The following REPS2 variants were observed in gnomAD, a reference collection of about 807,000 sequenced individuals.
REPS2 encodes ralBP1-associated Eps domain-containing protein 2.
In REPS2, 23 loss-of-function variants were observed where a neutral mutation model predicts 53.6. That is an observed-to-expected ratio of 0.43 (90% CI 0.31 to 0.61). The LOEUF (loss-of-function observed/expected upper bound fraction) is 0.61, where lower values mean the gene tolerates loss of function less well. REPS2 is among the 20% of genes least tolerant of loss of function. The pLI is 0.11. For synonymous variants in REPS2, 238 were observed against 218.6 expected (o/e 1.09, Z -0.78); for missense variants, 446 against 534.9 (o/e 0.83, Z 1.64).
chrX:17,096,473 A>C (rs914402648), intron 13 of REPS2, among the ~76,000 whole-genome samples: 413 of 106,818 alleles, frequency 3.9e-3, no homozygotes, highest in Non-Finnish European at 6.3e-3. Context: ...TCCCGGCTAA[A>C]ACGGTGAAAC....
the REPS2 span, among the ~76,000 whole-genome samples, chrX:17,189,339 G>A: frequency 1.9e-5 from 2 of 106,335 alleles, no homozygotes; most frequent in Non-Finnish European, 3.9e-5. Flanking sequence ...AGGCTGGAGT[G>A]CAGTGGCGTG....
the REPS2 span, among the ~76,000 whole-genome samples, chrX:17,178,249 G>A: frequency 1.8e-5 from 2 of 111,779 alleles, no homozygotes; most frequent in African/African-American, 3.3e-5. Context: ...ACTTACCTCC[G>A]GGGCTTTGTC....
chrX:17,011,322 A>G (rs981491634), intron 2 of REPS2, among the ~76,000 whole-genome samples: 5 of 111,463 alleles, frequency 4.5e-5, no homozygotes, highest in Non-Finnish European at 9.4e-5. Context: ...GAAGGTGAAA[A>G]TTAAGGACTG....
intron 13 of REPS2, among the ~76,000 whole-genome samples, chrX:17,082,405 AAGG>A (rs778511359): frequency 3.8e-4 from 43 of 112,566 alleles, no homozygotes; most frequent in Non-Finnish European, 6.6e-4. Flanking sequence ...TACTGCAAAA[AAGG>A]AGAAGGGGAT....
At chrX:17,189,358 T>C in the REPS2 span, among the ~76,000 whole-genome samples, 1 of 108,544 alleles carries the variant, frequency 9.2e-6, no homozygotes, top group African/African-American at 3.4e-5. Flanking sequence ...TGATCTCAGC[T>C]CACTGCAACC....
chrX:17,179,900 AAGAATC>A, the REPS2 span, among the ~76,000 whole-genome samples: 1 of 112,227 alleles, frequency 8.9e-6, no homozygotes, highest in African/African-American at 3.2e-5. Context: ...AGTTATTGCA[AAGAATC>A]AGTTAGCTCT....
chrX:16,955,890 T>C (rs965083400), intron 1 of REPS2, among the ~76,000 whole-genome samples: 14 of 112,529 alleles, frequency 1.2e-4, no homozygotes, highest in Non-Finnish European at 2.3e-4. Context: ...TTGAGCCTTT[T>C]TGTGGCCAGA....
chrX:17,118,258 C>T lies in REPS2; in HGVS notation c.1578+14479C>T, dbSNP rs780523759. Among the ~76,000 whole-genome samples the T allele has an allele frequency of 2.0e-3, 195 of 97,882 alleles. 2 individuals are homozygous for T. Among genetic ancestry groups the T allele is most frequent in the Admixed American group, 1.6e-3 (14 of 8,637 alleles). The allele number at this position is 97,882 out of a possible 115,157, so 85.0% of individuals were successfully genotyped here. A position where few individuals can be genotyped will look rare whatever the true frequency, so the allele number is the denominator to read the frequency against. On this transcript the variant is annotated intron_variant, in intron 14 of 17. Coordinates refer to ENST00000357277, the MANE Select transcript of REPS2 (RefSeq NM_004726.3). ...ACAGGCGTGAGCCACCGCGCCCGGC[C>T]GTTTCCTGACTTTTTAATGATTCAT...
chrX:17,016,760 C>CTTTTTTTTTTTTTTTTTTTTTTTTT (rs139092298), intron 2 of REPS2, among the ~76,000 whole-genome samples: 1 of 63,665 alleles, frequency 1.6e-5, no homozygotes, highest in Non-Finnish European at 2.9e-5. Flanking sequence ...TTTCTTTTTT[C>CTTTTTTTTTTTTTTTTTTTTTTTTT]TTTTTTTTTT....
intron 3 of REPS2, among the ~76,000 whole-genome samples, chrX:17,022,571 T>C (rs1349822299): frequency 8.9e-6 from 1 of 112,598 alleles, no homozygotes; most frequent in Admixed American, 9.4e-5. Flanking sequence ...AATGGATTCT[T>C]GGAAATGTAA....
intron 1 of REPS2, among the ~76,000 whole-genome samples, chrX:16,981,884 C>T (rs747263827): frequency 1.2e-4 from 13 of 111,752 alleles, no homozygotes; most frequent in African/African-American, 3.9e-4. Context: ...TTCACAGGAT[C>T]GTGCCATCAT....
At chrX:17,141,663 G>A (rs753223408) in intron 17 of REPS2, among the ~76,000 whole-genome samples, 3 of 111,858 alleles carry the variant, frequency 2.7e-5, no homozygotes, top group Non-Finnish European at 3.8e-5. Context: ...CAATTGTTCC[G>A]CGTCTTTGCC....
Position 16,974,782 on chromosome X carries a change from C to T in REPS2, c.273+27648C>T, listed in dbSNP as rs771261602. Among the ~76,000 whole-genome samples the T allele has an allele frequency of 4.5e-5, 5 of 110,799 alleles. No homozygotes were observed. In the East Asian group the frequency reaches 1.1e-3, roughly 25 times the overall value. ...TTGTTGTATAGGTAAATTCTTGTCA[C>T]GGGGGTTTGTTGTACAGATTATTTC... On this transcript the variant is annotated intron_variant, in intron 1 of 17. Transcript: ENST00000357277.
chrX:16,964,681 T>G (rs375491886), intron 1 of REPS2, among the ~76,000 whole-genome samples: 18 of 55,289 alleles, frequency 3.3e-4, no homozygotes, highest in African/African-American at 1.3e-3. Context: ...ACCTCCCTCC[T>G]GGACGGGGCG....
the REPS2 span, among the ~76,000 whole-genome samples, chrX:17,159,322 A>T: frequency 2.0e-4 from 22 of 110,866 alleles, no homozygotes; most frequent in South Asian, 3.9e-4. Flanking sequence ...CTTACTTTCT[A>T]CCTCCTTCCC....
intron 13 of REPS2, chrX:17,100,030 T>C (rs2062765112): frequency 8.6e-7 from 1 of 1,167,633 alleles, no homozygotes; most frequent in Non-Finnish European, 1.2e-6. Context: ...TTTGGTTTGC[T>C]CTCCTCTCCC....
intron 13 of REPS2, among the ~76,000 whole-genome samples, chrX:17,077,987 G>C (rs1028566841): frequency 8.9e-6 from 1 of 112,304 alleles, no homozygotes; most frequent in Non-Finnish European, 1.9e-5. Context: ...TCTTGAGCCC[G>C]CAGTTGTGTA....
intron 5 of REPS2, among the ~76,000 whole-genome samples, chrX:17,030,842 G>A (rs2061700169): frequency 8.9e-6 from 1 of 112,067 alleles, no homozygotes; most frequent in South Asian, 3.7e-4. Context: ...GTCAAAACCT[G>A]CTCCTTTCAT....
intron 1 of REPS2, among the ~76,000 whole-genome samples, chrX:16,962,898 C>T (rs1038679302): frequency 9.9e-5 from 11 of 110,762 alleles, no homozygotes; most frequent in African/African-American, 3.3e-4. Flanking sequence ...AGTTTAAGAC[C>T]AGCCTGGGCA....
Sources: gnomAD v4.1 joint callset for allele counts (sites outside exome capture counted in the v4.1 genomes callset) on GRCh38, gnomAD v4.1.1 for gene constraint, MANE v1.5 for transcripts, NCBI Gene and HGNC (gene_info 2026-07-23, HGNC 2026-07-21) for gene names.